POFUT4: variants seen among roughly 807,000 people sequenced by gnomAD.
POFUT4 encodes the protein GDP-fucose protein O-fucosyltransferase 4.
At chr10:73,772,342 C>T in the POFUT4 span, 26 of 1,456,770 alleles carry the variant, frequency 1.8e-5, no homozygotes, top group African/African-American at 2.8e-4. Context: ...ACATGGCGGC[C>T]GGCCCCATTA....
At chr10:73,778,487 G>C in the POFUT4 span, among the ~76,000 whole-genome samples, 80 of 151,696 alleles carry the variant, frequency 5.3e-4, no homozygotes, top group African/African-American at 1.9e-3. Flanking sequence ...TGAGCAGGGA[G>C]ACCATTAGCT....
chr10:73,777,512 T>C, the POFUT4 span, among the ~76,000 whole-genome samples: 1 of 152,116 alleles, frequency 6.6e-6, no homozygotes, highest in African/African-American at 2.4e-5. Flanking sequence ...GTGCAATGAA[T>C]AGTCCAGCTT....
the POFUT4 span, chr10:73,773,014 C>T: frequency 5.7e-6 from 9 of 1,581,436 alleles, no homozygotes; most frequent in Non-Finnish European, 6.9e-6. Context: ...GGGACCGCTA[C>T]GTGCGCGAGC....
At chr10:73,772,812 C>A in the POFUT4 span, 35 of 1,611,820 alleles carry the variant, frequency 2.2e-5, no homozygotes, top group Non-Finnish European at 2.9e-5. Context: ...AGCCACGGCC[C>A]GGGCATCCGC....
At chr10:73,774,042 C>A in the POFUT4 span, 1 of 534,766 alleles carries the variant, frequency 1.9e-6, no homozygotes, top group Non-Finnish European at 3.3e-6. Flanking sequence ...CTTATGTGAA[C>A]AATGTTTCCA....
the POFUT4 span, chr10:73,780,248 TAAAC>T: frequency 1.5e-4 from 23 of 152,368 alleles, no homozygotes; most frequent in East Asian, 5.8e-4. Flanking sequence ...TGCTTCTTGT[TAAAC>T]AATGTCTTCT....
the POFUT4 span, chr10:73,775,902 G>C: frequency 1.8e-6 from 1 of 549,028 alleles, no homozygotes; most frequent in Non-Finnish European, 3.2e-6. Flanking sequence ...TACAATTCTT[G>C]GTTCAGTGGG....
chr10:73,779,074 TAA>T, the POFUT4 span: 52 of 69,028 alleles, frequency 7.5e-4, no homozygotes, highest in Non-Finnish European at 8.4e-4. Context: ...CTCCAGAAAC[TAA>T]AAAAAAAAAA....
the POFUT4 span, chr10:73,772,524 C>T: frequency 1.3e-6 from 2 of 1,562,954 alleles, no homozygotes; most frequent in African/African-American, 1.4e-5. Context: ...AGCTCTGGGA[C>T]GCCGCGGCCA....
the POFUT4 span, chr10:73,773,447 C>T: frequency 1.1e-5 from 18 of 1,614,078 alleles, no homozygotes; most frequent in Non-Finnish European, 1.4e-5. Flanking sequence ...ACTCCGTCAT[C>T]CTGATTGATG....
the POFUT4 span, chr10:73,772,694 C>G: frequency 6.4e-7 from 1 of 1,572,958 alleles, no homozygotes; most frequent in Non-Finnish European, 8.6e-7. Context: ...GCGCGCGCTG[C>G]TCTTCTACGG....
the POFUT4 span, chr10:73,773,192 A>T: frequency 6.2e-7 from 1 of 1,608,274 alleles, no homozygotes; most frequent in Non-Finnish European, 8.5e-7. Context: ...CGGTCTAGGT[A>T]GACTCCTACG....
the POFUT4 span, among the ~76,000 whole-genome samples, chr10:73,777,183 T>C: frequency 6.6e-6 from 1 of 152,190 alleles, no homozygotes; most frequent in Non-Finnish European, 1.5e-5. Flanking sequence ...TATCCTCTTT[T>C]TGATCAAAGA....
chr10:73,775,298 A>C, the POFUT4 span: 2 of 923,704 alleles, frequency 2.2e-6, no homozygotes, highest in Non-Finnish European at 3.3e-6. Flanking sequence ...TGGGAGCCAG[A>C]AGCAGGCAAG....
At chr10:73,773,732 CCA>C in the POFUT4 span, 1 of 1,614,142 alleles carries the variant, frequency 6.2e-7, no homozygotes, top group East Asian at 2.2e-5. Context: ...TCTTTGAGCC[CCA>C]CATTGCCCAG....
the POFUT4 span, chr10:73,772,537 G>C: frequency 6.4e-7 from 1 of 1,569,802 alleles, no homozygotes; most frequent in African/African-American, 1.4e-5. Flanking sequence ...CGCGGCCAGG[G>C]AGGGAGGAGG....
chr10:73,777,863 CT>C, the POFUT4 span, among the ~76,000 whole-genome samples: 304 of 136,646 alleles, frequency 2.2e-3, no homozygotes, highest in Non-Finnish European at 2.5e-3. Context: ...GTGCCCCCAC[CT>C]TTTTTTTTTT....
the POFUT4 span, chr10:73,775,559 G>A: frequency 1.9e-6 from 3 of 1,614,126 alleles, no homozygotes; most frequent in African/African-American, 1.3e-5. Flanking sequence ...AGATGTGGCT[G>A]CAAGATTATT....
At chr10:73,776,685 TTATATA>T in the POFUT4 span, among the ~76,000 whole-genome samples, 1 of 151,744 alleles carries the variant, frequency 6.6e-6, no homozygotes, top group East Asian at 1.9e-4. Context: ...CCGTCTCAAA[TTATATA>T]TATATATTAA....
Sources: gnomAD v4.1 joint callset for allele counts (sites outside exome capture counted in the v4.1 genomes callset) on GRCh38, gnomAD v4.1.1 for gene constraint, MANE v1.5 for transcripts, NCBI Gene and HGNC (gene_info 2026-07-23, HGNC 2026-07-21) for gene names.